Variants in PSTPIP2 observed in about 807,000 individuals in gnomAD.
PSTPIP2 encodes proline-serine-threonine phosphatase-interacting protein 2.
PSTPIP2 carries 33 observed loss-of-function variants against 63.3 expected under a neutral mutation model. That is an observed-to-expected ratio of 0.52 (90% CI 0.40 to 0.70). The LOEUF is 0.70. PSTPIP2 is among the 30% of genes least tolerant of loss of function. The pLI is 0.00. For missense variants in PSTPIP2, 312 were observed against 400.7 expected, an observed-to-expected ratio of 0.78 and a Z score of 1.89; for synonymous variants, 125 against 132.7, an observed-to-expected ratio of 0.94 and a Z score of 0.40.
intron 3 of PSTPIP2, among the ~76,000 whole-genome samples, chr18:46,020,329 G>A (rs143366382): frequency 3.3e-5 from 5 of 152,312 alleles, no homozygotes; most frequent in African/African-American, 1.2e-4. Flanking sequence ...GGTAGCCAAT[G>A]AGGTGGAAAA....
chr18:46,028,943 C>T (rs1907692356), intron 2 of PSTPIP2: 1 of 1,282,430 alleles, frequency 7.8e-7, no homozygotes, highest in African/African-American at 1.5e-5. Flanking sequence ...CATGGTAATG[C>T]TGAACGTCCT....
intron 12 of PSTPIP2, among the ~76,000 whole-genome samples, chr18:45,991,134 CACTA>C (rs1317028941): frequency 5.9e-5 from 9 of 152,306 alleles, no homozygotes; most frequent in South Asian, 2.1e-4. Context: ...AGGTAATTCA[CACTA>C]ACTGTTTTGA....
chr18:46,072,113 C>A (rs142048021), intron 1 of PSTPIP2, 43 bp downstream of exon 1: 20,287 of 1,518,468 alleles, frequency 0.013, 220 homozygotes, highest in South Asian at 0.028. Context: ...CCGCCCGGGC[C>A]GGGTCCTGAG....
intron 1 of PSTPIP2, among the ~76,000 whole-genome samples, chr18:46,047,641 A>G (rs4890312): frequency 0.62 from 93,591 of 151,874 alleles, 29,110 homozygotes; most frequent in African/African-American, 0.7. Flanking sequence ...GGTGAGCCGA[A>G]GTCACGCCTT....
At chr18:46,053,255 T>G (rs1182189591) in intron 1 of PSTPIP2, among the ~76,000 whole-genome samples, 1 of 152,200 alleles carries the variant, frequency 6.6e-6, no homozygotes, top group South Asian at 2.1e-4. Flanking sequence ...TTAAATTAAG[T>G]TTTAGATTAA....
chr18:46,041,795 G>C (rs747663118), intron 1 of PSTPIP2, among the ~76,000 whole-genome samples: 22 of 152,124 alleles, frequency 1.4e-4, no homozygotes, highest in Non-Finnish European at 2.6e-4. Flanking sequence ...CTAAGAGGTT[G>C]GTTAGCTGGC....
chr18:46,006,261 C>T (rs2051724122), intron 5 of PSTPIP2, among the ~76,000 whole-genome samples: 1 of 151,848 alleles, frequency 6.6e-6, no homozygotes, highest in South Asian at 2.1e-4. Context: ...ACCTTGTTGG[C>T]CAGGCTGGTC....
intron 1 of PSTPIP2, among the ~76,000 whole-genome samples, chr18:46,070,243 C>A (rs370107710): frequency 6.6e-6 from 1 of 152,176 alleles, no homozygotes. Context: ...CCCCTCAAAC[C>A]CTGCATGTCA....
rs2051441333 is a variant in PSTPIP2 at position 45,983,828 on chromosome 18, A to G, written c.*1631T>C. On this transcript the variant is annotated 3_prime_UTR_variant, in exon 15 of 15. Transcript: ENST00000409746. The stretch of plus-strand genomic sequence containing the variant: ...TTTCCTGTCATGACAAGAAGCTGTC[A>G]TGTTCAGTAGCACCTTACACGAAAG... The G allele has an allele frequency of 2.0e-5, 3 of 152,236 alleles. No homozygotes were observed. Among genetic ancestry groups the G allele is most frequent in the Admixed American group, 6.5e-5 (1 of 15,280 alleles). 9.4% of individuals were successfully genotyped at this position (152,236 alleles called of 1,614,324 possible). A position where few individuals can be genotyped will look rare whatever the true frequency, so the allele number is the denominator to read the frequency against.
At chr18:46,042,180 A>G (rs1313646684) in intron 1 of PSTPIP2, among the ~76,000 whole-genome samples, 1 of 152,176 alleles carries the variant, frequency 6.6e-6, no homozygotes, top group Non-Finnish European at 1.5e-5. Flanking sequence ...ATGCTTTGTG[A>G]CAGTTGTTTG....
intron 2 of PSTPIP2, among the ~76,000 whole-genome samples, chr18:46,035,044 G>A (rs1907918025): frequency 6.6e-6 from 1 of 152,114 alleles, no homozygotes; most frequent in African/African-American, 2.4e-5. Flanking sequence ...ATGGGCTTGG[G>A]CTACCAGTGA....
At chr18:46,010,187 C>T (rs1599711657) in intron 5 of PSTPIP2, among the ~76,000 whole-genome samples, 1 of 152,226 alleles carries the variant, frequency 6.6e-6, no homozygotes, top group East Asian at 1.9e-4. Flanking sequence ...CCCAGAACCA[C>T]AGGCAAAGTT....
intron 2 of PSTPIP2, among the ~76,000 whole-genome samples, chr18:46,027,444 C>T (rs1474517275): frequency 6.6e-6 from 1 of 151,954 alleles, no homozygotes; most frequent in Non-Finnish European, 1.5e-5. Context: ...AATCCCAGCA[C>T]TTTGGGAGGG....
At chr18:46,036,479 T>C (rs986478227) in intron 2 of PSTPIP2, among the ~76,000 whole-genome samples, 4 of 152,256 alleles carry the variant, frequency 2.6e-5, no homozygotes, top group South Asian at 2.1e-4. Context: ...TCAGCTATTA[T>C]ATAATCTCAT....
At chr18:46,012,690 A>G (rs2051812245) in intron 4 of PSTPIP2, among the ~76,000 whole-genome samples, 1 of 152,148 alleles carries the variant, frequency 6.6e-6, no homozygotes, top group African/African-American at 2.4e-5. Context: ...GGAGAATGGC[A>G]TGAACCCAAG....
intron 2 of PSTPIP2, among the ~76,000 whole-genome samples, chr18:46,037,721 C>T (rs1296328808): frequency 6.6e-6 from 1 of 152,164 alleles, no homozygotes; most frequent in East Asian, 1.9e-4. Context: ...AACAGAGGCC[C>T]AAAGCCAAGC....
At chr18:45,990,340 C>A (rs941900560) in intron 13 of PSTPIP2, among the ~76,000 whole-genome samples, 1 of 152,044 alleles carries the variant, frequency 6.6e-6, no homozygotes, top group Non-Finnish European at 1.5e-5. Context: ...CTATTTAATC[C>A]TTTCATTCCC....
intron 1 of PSTPIP2, chr18:46,040,327 A>G (rs1908146776): frequency 3.4e-6 from 1 of 298,052 alleles, no homozygotes; most frequent in Non-Finnish European, 6.3e-6. Context: ...CAAGCCACCC[A>G]AGTAAGTCAG....
intron 13 of PSTPIP2, 144 bp downstream of exon 13, chr18:45,990,578 C>T (rs1261730791): frequency 3.3e-6 from 2 of 605,114 alleles, no homozygotes; most frequent in East Asian, 6.6e-5. Flanking sequence ...TACAGGCACG[C>T]ACCACCACAC....
Sources: gnomAD v4.1 joint callset for allele counts (sites outside exome capture counted in the v4.1 genomes callset) on GRCh38, gnomAD v4.1.1 for gene constraint, MANE v1.5 for transcripts, NCBI Gene and HGNC (gene_info 2026-07-23, HGNC 2026-07-21) for gene names.